The following BUB1B variants were observed in gnomAD, a reference collection of about 807,000 sequenced individuals.
BUB1B encodes mitotic checkpoint serine/threonine-protein kinase BUB1 beta.
BUB1B carries 86 observed loss-of-function variants against 137.7 expected under a neutral mutation model. The ratio of observed to expected loss-of-function variants is 0.62; its 90% CI spans 0.52 to 0.75. BUB1B has a LOEUF of 0.75. Among genes scored for constraint, BUB1B ranks in the 30% least tolerant of loss-of-function variants. The pLI is 0.00. For missense variants in BUB1B, 1,130 were observed against 1,236.9 expected, an observed-to-expected ratio of 0.91 and a Z score of 1.30; for synonymous variants, 420 against 417.9, an observed-to-expected ratio of 1.00 and a Z score of -0.06.
At chr15:40,181,969 C>T (rs1398415076) in intron 5 of BUB1B, among the ~76,000 whole-genome samples, 2 of 152,222 alleles carry the variant, frequency 1.3e-5, no homozygotes, top group East Asian at 1.9e-4. Context: ...GCTGGGAGGC[C>T]AAGGCGGGGG....
At chr15:40,169,925 A>G (rs2037142712) in intron 2 of BUB1B, 137 bp from the exon 3 acceptor site, 2 of 817,048 alleles carry the variant, frequency 2.4e-6, no homozygotes, top group Admixed American at 4.1e-5. Flanking sequence ...TTTCTATTCT[A>G]TAACAAACCC....
chr15:40,210,189 T>C lies in BUB1B; in HGVS notation c.2364T>C (p.Ser788=), dbSNP rs571594522. 8.5e-5 allele frequency: 136 copies of C among 1,607,580 alleles called. 2 individuals carry two copies. In the South Asian group the frequency reaches 1.5e-3, roughly 17 times the overall value. ...YKLFWVAPRN[S]AELTVIKVSS... ...TATTCTGGGTGGCGCCAAGAAACTC[T>C]GCAGAATTAACAGTAATAAAGGTGG... Residue 788 remains serine (S), a synonymous_variant, in exon 18 of 23, where the codon TCT becomes TCC. Coordinates refer to ENST00000287598, the MANE Select transcript of BUB1B (RefSeq NM_001211.6).
In BUB1B at chr15:40,209,874, A is replaced by T. The variant is rs915155330; in HGVS notation, c.2284+99A>T. ...ATGCTTGAGCACTGTAAATATTCCT[A>T]GATTGTATTTTTTAAAAAAGCAATA... On this transcript the variant is annotated intron_variant, in intron 17 of 22. Transcript: ENST00000287598. 4.7e-6 allele frequency: 7 copies of T among 1,493,070 alleles called. No homozygotes were observed. The Admixed American group carries it at 1.2e-4, about 25-fold the overall frequency. The allele number at this position is 1,493,070 out of a possible 1,614,324, so 92.5% of individuals were successfully genotyped here.
intron 19 of BUB1B, among the ~76,000 whole-genome samples, chr15:40,212,992 T>A (rs185523006): frequency 8.6e-4 from 131 of 152,352 alleles, no homozygotes; most frequent in African/African-American, 2.9e-3. Flanking sequence ...GTCATTTTAC[T>A]CTTCGGTTTG....
At chr15:40,173,295 T>TAAAAA (rs61078619) in intron 4 of BUB1B, among the ~76,000 whole-genome samples, 6 of 85,888 alleles carry the variant, frequency 7.0e-5, no homozygotes, top group South Asian at 4.5e-4. Context: ...GAAAAAAAGA[T>TAAAAA]AAAAAAAAAA....
chr15:40,162,376 T>C (rs2037051510), intron 1 of BUB1B, among the ~76,000 whole-genome samples: 1 of 152,180 alleles, frequency 6.6e-6, no homozygotes, highest in African/African-American at 2.4e-5. Flanking sequence ...CAAAAGTCAT[T>C]GGAAGGTTTT....
chr15:40,196,496 A>AT (rs762412384), intron 8 of BUB1B, 49 bp from the exon 9 acceptor site: 89 of 1,463,306 alleles, frequency 6.1e-5, no homozygotes, highest in East Asian at 3.6e-4. Context: ...AATCTTATTG[A>AT]TTTTTTTTAT....
At chr15:40,215,042 T>G (rs7182070) in intron 20 of BUB1B, among the ~76,000 whole-genome samples, 21,953 of 152,146 alleles carry the variant, frequency 0.14, 1,737 homozygotes, top group African/African-American at 0.18. Flanking sequence ...TGTGGTCTAA[T>G]GAAGTACGAT....
At chr15:40,205,751 T>G (rs1000295627) in intron 14 of BUB1B, among the ~76,000 whole-genome samples, 1 of 152,194 alleles carries the variant, frequency 6.6e-6, no homozygotes, top group Non-Finnish European at 1.5e-5. Context: ...AAAACTGCTT[T>G]TCAAATGCAT....
chr15:40,214,796 T>C (rs1422124535), intron 20 of BUB1B, among the ~76,000 whole-genome samples: 10 of 152,218 alleles, frequency 6.6e-5, no homozygotes, highest in South Asian at 2.1e-4. Flanking sequence ...TTTGTGCAGG[T>C]GTGTTCCAAG....
chr15:40,202,108 A>G (rs1341964913), intron 12 of BUB1B, among the ~76,000 whole-genome samples: 1 of 152,204 alleles, frequency 6.6e-6, no homozygotes, highest in East Asian at 1.9e-4. Flanking sequence ...TTAGAAATAT[A>G]TACTGAAATA....
chr15:40,194,891 C>T (rs2037479624), intron 8 of BUB1B, among the ~76,000 whole-genome samples: 1 of 152,110 alleles, frequency 6.6e-6, no homozygotes, highest in South Asian at 2.1e-4. Flanking sequence ...TTTGCTTTCA[C>T]CTATAAGTAA....
rs769117219 is a variant in BUB1B at position 40,161,259 on chromosome 15, G to C, written c.35+4G>C. 6.2e-7 allele frequency: 1 copy of C among 1,612,438 alleles called. No individual in the cohort carries two copies. Among genetic ancestry groups the C allele is most frequent in the African/African-American group, 1.3e-5 (1 of 75,008 alleles). ...AGAAGGAAGGGGGTGCTCTGAGGTA[G>C]GTACGGGAGAAAGCTGCTGGGGGCT... On this transcript the variant is annotated splice_donor_region_variant and intron_variant, in intron 1 of 22. Coordinates refer to ENST00000287598, the MANE Select transcript of BUB1B (RefSeq NM_001211.6).
chr15:40,215,536 G>A (rs977175997), intron 20 of BUB1B, among the ~76,000 whole-genome samples: 10 of 152,096 alleles, frequency 6.6e-5, no homozygotes, highest in Admixed American at 1.3e-4. Flanking sequence ...TTGGGAGGCC[G>A]AGGCGGGCGG....
chr15:40,217,272 G>A (rs148377088), intron 20 of BUB1B: 155 of 567,698 alleles, frequency 2.7e-4, no homozygotes, highest in African/African-American at 1.8e-3. Context: ...GCCATGCACC[G>A]TGATTGAAAT....
intron 9 of BUB1B, among the ~76,000 whole-genome samples, chr15:40,197,854 G>A (rs1318625018): frequency 1.3e-5 from 2 of 152,222 alleles, no homozygotes; most frequent in African/African-American, 4.8e-5. Context: ...GCAAAGCAAG[G>A]TGTTGAGTAA....
intron 19 of BUB1B, 146 bp downstream of exon 19, chr15:40,212,794 G>A (rs1227982429): frequency 1.6e-5 from 13 of 824,574 alleles, no homozygotes; most frequent in South Asian, 3.5e-5. Flanking sequence ...TAATTTTCTC[G>A]TTATTTTGAC....
At position 40,213,454 on chromosome 15, in the gene BUB1B, G is replaced by C. The variant is rs146821149; in HGVS notation, c.2658G>C (p.Arg886Ser). 8 of 1,613,988 alleles carry C rather than the reference G, an allele frequency of 5.0e-6. No homozygotes were observed. In the African/African-American group the frequency reaches 9.3e-5, roughly 19 times the overall value. Residue 886 changes from arginine (R) to serine (S), a missense_variant, in exon 20 of 23, where the codon AGG becomes AGC. Coordinates refer to ENST00000287598, the MANE Select transcript of BUB1B (RefSeq NM_001211.6). ...TAGTCCATGGTGACTTGAGTCCAAGGTGTCTGATTCTCAGAAACAGGTTGG... is the reference window on the plus strand; with the variant it reads ...TAGTCCATGGTGACTTGAGTCCAAGCTGTCTGATTCTCAGAAACAGGTTGG... ...AEIVHGDLSPRCLILRNRIHD... is the reference protein window; with the variant it reads ...AEIVHGDLSPSCLILRNRIHD...
intron 16 of BUB1B, among the ~76,000 whole-genome samples, chr15:40,209,278 G>A (rs1352780098): frequency 2.0e-5 from 3 of 152,190 alleles, no homozygotes; most frequent in Non-Finnish European, 2.9e-5. Context: ...AAAATTAGCC[G>A]GGCATGGTGG....
Sources: gnomAD v4.1 joint callset for allele counts (sites outside exome capture counted in the v4.1 genomes callset) on GRCh38, gnomAD v4.1.1 for gene constraint, MANE v1.5 for transcripts, NCBI Gene and HGNC (gene_info 2026-07-23, HGNC 2026-07-21) for gene names.